The following MRS2 variants were observed in gnomAD, a reference collection of about 807,000 sequenced individuals.
MRS2 encodes magnesium transporter MRS2.
In MRS2, 40 loss-of-function variants were observed where a neutral mutation model predicts 52.6. The observed-to-expected ratio is 0.76, with a 90% CI of 0.59 to 0.99. The LOEUF is 0.99. MRS2 is among the 50% of genes least tolerant of loss of function. The pLI is 0.00. For synonymous variants in MRS2, 193 were observed against 195.9 expected (o/e 0.98, Z 0.13); for missense variants, 472 against 532.7 (o/e 0.89, Z 1.12).
rs1762224435 is a variant in MRS2, at chr6:24,425,995, C to T, written c.*2301C>T. 2 of 152,174 alleles carry T rather than the reference C, an allele frequency of 1.3e-5. No homozygotes were observed. Among genetic ancestry groups the T allele is most frequent in the Non-Finnish European group, 1.5e-5 (1 of 68,040 alleles). The allele number at this position is 152,174 out of a possible 1,614,324, so 9.4% of individuals were successfully genotyped here. On this transcript the variant is annotated 3_prime_UTR_variant, in exon 11 of 11. Transcript: ENST00000378386. ...TGGATGGTACATGGAGTAGGGACTG[C>T]AGAGACCCTAGTTTTGTCCCCACTC...
chr6:24,416,372 A>G (rs1240398066), intron 6 of MRS2, 25 bp from the exon 7 acceptor site: 2 of 929,006 alleles, frequency 2.2e-6, no homozygotes, highest in African/African-American at 1.7e-5. Flanking sequence ...TCTATTGATC[A>G]TTTTTGTGTA....
chr6:24,409,489 G>A lies in MRS2; in HGVS notation c.330G>A (p.Glu110=), dbSNP rs910978287. The A allele has an allele frequency of 1.9e-6, 3 of 1,610,230 alleles. No individual in the cohort carries two copies. The African/African-American group carries it at 4.0e-5, about 22-fold the overall frequency. ...FERKKTELYQ[E]LGLQARDLRF... is the part of the protein sequence containing the mutation. ...GGAAGAAAACTGAATTATACCAAGA[G>A]TTAGGTCTTCAAGCCAGAGATTTGA... Residue 110 remains glutamate (E), a synonymous_variant, in exon 4 of 11, where the codon GAG becomes GAA. Transcript: ENST00000378386.
At chr6:24,417,897 G>A (rs1047588951) in intron 7 of MRS2, among the ~76,000 whole-genome samples, 187 bp from the exon 8 acceptor site, 16 of 151,220 alleles carry the variant, frequency 1.1e-4, no homozygotes, top group African/African-American at 2.7e-4. Context: ...AGCCGAGATC[G>A]CGCCACTACA....
Position 24,415,098 on chromosome 6 carries a change from G to T in MRS2, c.654G>T (p.Leu218Phe). 6.2e-7 allele frequency: 1 copy of T among 1,611,772 alleles called. No homozygotes were observed. The highest frequency in any genetic ancestry group is 8.5e-7 in the Non-Finnish European group (1 of 1,178,348). ...TGATCCTTGAGACCTTGGATGCTTT[G>T]GTGGACCCCAAACATTCTTCTGTAG... Reference protein sequence around the residue: ...QPLILETLDALVDPKHSSVDR... With the variant: ...QPLILETLDAFVDPKHSSVDR... The change falls in exon 6 of 11, where the codon TTG becomes TTT. Residue 218 changes from leucine (L) to phenylalanine (F), a missense_variant. Coordinates refer to ENST00000378386, the MANE Select transcript of MRS2 (RefSeq NM_020662.4).
chr6:24,412,515 C>G, intron 5 of MRS2, 120 bp downstream of exon 5: 1 of 664,998 alleles, frequency 1.5e-6, no homozygotes, highest in Non-Finnish European at 2.4e-6. Context: ...TGCCCCGAAA[C>G]AAGTCGTCTC....
chr6:24,404,875 C>G (rs1029689073), intron 1 of MRS2, among the ~76,000 whole-genome samples: 6 of 152,178 alleles, frequency 3.9e-5, no homozygotes, highest in African/African-American at 1.4e-4. Flanking sequence ...CACATTTGTT[C>G]ATCCAACTCT....
rs1762203306 is a variant in MRS2, at chr6:24,425,493, T to A, written c.*1799T>A. Reference sequence around the variant, plus strand: ...TTTCTGAAGGTGGTTAAATCAAGTATGATTTCAAAATATCAACTAGTTCCA... The same window carrying A: ...TTTCTGAAGGTGGTTAAATCAAGTAAGATTTCAAAATATCAACTAGTTCCA... On this transcript the variant is annotated 3_prime_UTR_variant, in exon 11 of 11. Transcript: ENST00000378386. 6.6e-6 allele frequency: 1 copy of A among 152,260 alleles called. No homozygotes were observed. The highest frequency in any genetic ancestry group is 1.5e-5 in the Non-Finnish European group (1 of 68,052). 9.4% of individuals were successfully genotyped at this position (152,260 alleles called of 1,614,324 possible).
At chr6:24,419,663 G>A (rs80197580) in intron 9 of MRS2, among the ~76,000 whole-genome samples, 18,683 of 143,856 alleles carry the variant, frequency 0.13, 1,482 homozygotes, top group East Asian at 0.2. Context: ...CTACTGCTCT[G>A]TTGCCTTTCT....
intron 1 of MRS2, among the ~76,000 whole-genome samples, chr6:24,404,438 G>T (rs574411587): frequency 5.6e-4 from 85 of 152,214 alleles, no homozygotes; most frequent in African/African-American, 1.9e-3. Flanking sequence ...CAATCATTAC[G>T]TGTATGTAGT....
Position 24,415,108 on chromosome 6 carries a change from A to C in MRS2, c.664A>C (p.Lys222Gln). ...GACCTTGGATGCTTTGGTGGACCCC[A>C]AACATTCTTCTGTAGACAGAAGCAA... ...LETLDALVDP[K>Q]HSSVDRSKLH... Residue 222 changes from lysine to glutamine, a missense_variant, in exon 6 of 11, where the codon AAA (lysine) becomes CAA (glutamine). Coordinates refer to ENST00000378386, the MANE Select transcript of MRS2 (RefSeq NM_020662.4). The C allele has an allele frequency of 6.2e-7, 1 of 1,611,810 alleles. No homozygotes were observed. Among genetic ancestry groups the C allele is most frequent in the East Asian group, 2.2e-5 (1 of 44,842 alleles).
intron 2 of MRS2, among the ~76,000 whole-genome samples, 167 bp downstream of exon 2, chr6:24,405,408 G>C (rs1317017630): frequency 6.6e-6 from 1 of 152,182 alleles, no homozygotes; most frequent in African/African-American, 2.4e-5. Context: ...TGCTAGATTT[G>C]CTTAACAATG....
intron 9 of MRS2, chr6:24,418,808 A>C (rs1182910480): frequency 8.2e-6 from 3 of 365,734 alleles, no homozygotes; most frequent in Admixed American, 4.1e-5. Context: ...CTGAGGCAGG[A>C]GAATCACTTG....
chr6:24,415,558 A>G (rs919564923), intron 6 of MRS2, among the ~76,000 whole-genome samples: 1 of 152,236 alleles, frequency 6.6e-6, no homozygotes, highest in Non-Finnish European at 1.5e-5. Flanking sequence ...TATGTATCAT[A>G]AATAGAATAA....
intron 6 of MRS2, among the ~76,000 whole-genome samples, chr6:24,416,060 C>T (rs1175336464): frequency 6.6e-6 from 1 of 152,122 alleles, no homozygotes; most frequent in African/African-American, 2.4e-5. Context: ...GTAGCTGGGA[C>T]TGCAGGCACA....
Position 24,413,281 on chromosome 6 carries a change from G to A in MRS2, c.588+886G>A, listed in dbSNP as rs1007907014. On this transcript the variant is annotated intron_variant, in intron 5 of 10. Transcript: ENST00000378386. The stretch of plus-strand genomic sequence containing the variant: ...GAAGGAGAGAGGCTAGGCTGGCATG[G>A]GTCTCCGGCCTAGAGATTGGCTGTG... Among the ~76,000 whole-genome samples the A allele has an allele frequency of 5.3e-5, 8 of 152,086 alleles. No homozygotes were observed. The South Asian group carries it at 1.5e-3, about 28-fold the overall frequency.
In MRS2 at chr6:24,409,632, T is replaced by C. The variant is rs1417947490; in HGVS notation, c.414+59T>C. 5 of 1,077,246 alleles carry C rather than the reference T, an allele frequency of 4.6e-6. No individual in the cohort carries two copies. The Admixed American group carries it at 1.1e-4, about 24-fold the overall frequency. 66.7% of individuals were successfully genotyped at this position (1,077,246 alleles called of 1,614,324 possible). On this transcript the variant is annotated intron_variant, in intron 4 of 10. Transcript: ENST00000378386. Reference sequence around the variant, plus strand: ...ATACAATCTTATAAAAGTTACCTTCTAACTATCTTGATTAGTATCTAGGTT... The same window carrying C: ...ATACAATCTTATAAAAGTTACCTTCCAACTATCTTGATTAGTATCTAGGTT...
chr6:24,416,439 A>G lies in MRS2; in HGVS notation c.762A>G (p.Ser254=), dbSNP rs1323005133. Reference sequence around the variant, plus strand: ...CAGATATTAAAATTTTCAAAGAGTCAATTTTGGAGATCTTGGATGAGGAAG... The same window carrying G: ...CAGATATTAAAATTTTCAAAGAGTCGATTTTGGAGATCTTGGATGAGGAAG... ...LETDIKIFKE[S]ILEILDEEEL... is the part of the protein sequence containing the mutation. The change falls in exon 7 of 11, where the codon TCA becomes TCG. Residue 254 remains serine, a synonymous_variant. Transcript: ENST00000378386. The G allele has an allele frequency of 2.5e-6, 4 of 1,601,340 alleles. No homozygotes were observed. The highest frequency in any genetic ancestry group is 3.4e-6 in the Non-Finnish European group (4 of 1,169,820).
chr6:24,403,038 T>G lies in MRS2; in HGVS notation c.-9T>G. On this transcript the variant is annotated 5_prime_UTR_variant, in exon 1 of 11. Transcript: ENST00000378386. ...GGTCTGGCTGCTGCCTGCTTCTTGC[T>G]CCAGCACCATGGAATGCCTGCGCAG... 1 of 1,596,084 alleles carries G rather than the reference T, an allele frequency of 6.3e-7. No homozygotes were observed. Among genetic ancestry groups the G allele is most frequent in the South Asian group, 1.1e-5 (1 of 87,676 alleles).
At chr6:24,418,885 T>G in intron 9 of MRS2, 1 of 193,308 alleles carries the variant, frequency 5.2e-6, no homozygotes, top group Non-Finnish European at 1.1e-5. Flanking sequence ...GGAGACAGAG[T>G]GAGACTCTGT....
Sources: gnomAD v4.1 joint callset for allele counts (sites outside exome capture counted in the v4.1 genomes callset) on GRCh38, gnomAD v4.1.1 for gene constraint, MANE v1.5 for transcripts, NCBI Gene and HGNC (gene_info 2026-07-23, HGNC 2026-07-21) for gene names.